Variants in C7orf33 observed in about 807,000 individuals in gnomAD.
C7orf33 encodes the protein uncharacterized protein C7orf33.
Under a neutral mutation model 13.4 loss-of-function variants are expected in C7orf33, and 15 were observed. That is an observed-to-expected ratio of 1.12 (90% CI 0.75 to 1.72). The LOEUF is 1.72. C7orf33 is among the 40% of genes most tolerant of loss of function. The pLI is 0.00. For synonymous variants in C7orf33, 73 were observed against 83.2 expected (o/e 0.88, Z 0.67); for missense variants, 187 against 220.3 (o/e 0.85, Z 0.96).
At chr7:148,603,210 C>G (rs1796436138) in intron 1 of C7orf33, among the ~76,000 whole-genome samples, 1 of 152,130 alleles carries the variant, frequency 6.6e-6, no homozygotes, top group South Asian at 2.1e-4. Flanking sequence ...AAACATCACA[C>G]CCAGAATGAA....
intron 1 of C7orf33, among the ~76,000 whole-genome samples, chr7:148,593,020 T>C (rs1370120540): frequency 6.6e-6 from 1 of 152,042 alleles, no homozygotes; most frequent in African/African-American, 2.4e-5. Flanking sequence ...TTTGTATTTT[T>C]AGTAGATACA....
intron 1 of C7orf33, among the ~76,000 whole-genome samples, chr7:148,613,748 A>T (rs1796572363): frequency 6.6e-6 from 1 of 152,250 alleles, no homozygotes; most frequent in Non-Finnish European, 1.5e-5. Context: ...TGACGGTTGC[A>T]CATTTCCTTG....
intron 1 of C7orf33, among the ~76,000 whole-genome samples, chr7:148,600,420 G>A (rs1036804602): frequency 6.6e-6 from 1 of 152,198 alleles, no homozygotes; most frequent in Non-Finnish European, 1.5e-5. Flanking sequence ...GCAGTGAGCT[G>A]AGATCATGCT....
At chr7:148,599,468 G>T (rs1796388820) in intron 1 of C7orf33, among the ~76,000 whole-genome samples, 1 of 140,808 alleles carries the variant, frequency 7.1e-6, no homozygotes, top group Admixed American at 7.1e-5. Context: ...ACAATTCTCA[G>T]ATTTTTTTTT....
intron 2 of C7orf33, 143 bp downstream of exon 2, chr7:148,614,439 A>G: frequency 9.9e-7 from 1 of 1,006,104 alleles, no homozygotes; most frequent in Non-Finnish European, 1.4e-6. Context: ...CCAGCATGAA[A>G]CTGATCTGAT....
chr7:148,613,564 C>CA (rs1346713951), intron 1 of C7orf33, among the ~76,000 whole-genome samples: 1 of 152,164 alleles, frequency 6.6e-6, no homozygotes, highest in East Asian at 1.9e-4. Flanking sequence ...AATTCAGTTA[C>CA]AAAATACTAC....
At chr7:148,609,196 C>A (rs1723764376) in intron 1 of C7orf33, among the ~76,000 whole-genome samples, 1 of 151,948 alleles carries the variant, frequency 6.6e-6, no homozygotes, top group Non-Finnish European at 1.5e-5. Context: ...AACTCCCATC[C>A]CCCTGAGTAC....
intron 1 of C7orf33, among the ~76,000 whole-genome samples, chr7:148,607,453 C>T (rs1323325501): frequency 6.6e-6 from 1 of 152,154 alleles, no homozygotes; most frequent in East Asian, 1.9e-4. Context: ...ATGTTCTGGA[C>T]TCCCACACAT....
chr7:148,605,545 G>A (rs1304901195), intron 1 of C7orf33, among the ~76,000 whole-genome samples: 2 of 152,106 alleles, frequency 1.3e-5, no homozygotes, highest in East Asian at 1.9e-4. Context: ...TCTTCACCCC[G>A]GCAGCAGCAC....
At chr7:148,598,747 TATATATATATATATATAGAG>T (rs1411009459) in intron 1 of C7orf33, among the ~76,000 whole-genome samples, 18 of 71,460 alleles carry the variant, frequency 2.5e-4, no homozygotes, top group African/African-American at 7.3e-4. Context: ...TATATATATA[TATATATATATATATATAGAG>T]AGAGAGAGAG....
chr7:148,594,826 T>A (rs1339897610), intron 1 of C7orf33, among the ~76,000 whole-genome samples: 1 of 152,134 alleles, frequency 6.6e-6, no homozygotes, highest in Admixed American at 6.6e-5. Flanking sequence ...GGATCATTTG[T>A]CTTCTATTCA....
In C7orf33 at chr7:148,608,663, T is replaced by C. The variant is rs537542469; in HGVS notation, c.205-5379T>C. ...AACCCCGTCTCTACTAAAAATGCAA[T>C]AATAAGCCAGGCGTGGTGGCGCATG... On this transcript the variant is annotated intron_variant, in intron 1 of 2. Coordinates refer to ENST00000307003, the MANE Select transcript of C7orf33 (RefSeq NM_145304.4). Among the ~76,000 whole-genome samples the C allele has an allele frequency of 4.0e-5, 6 of 149,588 alleles. No individual in the cohort carries two copies. The South Asian group carries it at 1.3e-3, about 32-fold the overall frequency.
At chr7:148,591,527 G>C (rs566034831) in intron 1 of C7orf33, among the ~76,000 whole-genome samples, 1 of 152,290 alleles carries the variant, frequency 6.6e-6, no homozygotes, top group South Asian at 2.1e-4. Context: ...CTTTGCACCT[G>C]TTCCCTTCTC....
At chr7:148,601,697 A>G (rs1796416671) in intron 1 of C7orf33, among the ~76,000 whole-genome samples, 1 of 152,078 alleles carries the variant, frequency 6.6e-6, no homozygotes, top group African/African-American at 2.4e-5. Flanking sequence ...ATTTTATTGC[A>G]ATATGGTTAG....
chr7:148,611,254 A>G (rs1037991973), intron 1 of C7orf33, among the ~76,000 whole-genome samples: 2 of 152,170 alleles, frequency 1.3e-5, no homozygotes, highest in Non-Finnish European at 2.9e-5. Flanking sequence ...TCTAAGTGGG[A>G]ACAGGCACTC....
At chr7:148,596,674 A>C (rs1263068860) in intron 1 of C7orf33, among the ~76,000 whole-genome samples, 1 of 152,048 alleles carries the variant, frequency 6.6e-6, no homozygotes, top group Non-Finnish European at 1.5e-5. Context: ...ATTATCTCCC[A>C]CCAGGTTCCT....
At chr7:148,612,050 A>G (rs993906926) in intron 1 of C7orf33, among the ~76,000 whole-genome samples, 13 of 152,250 alleles carry the variant, frequency 8.5e-5, no homozygotes, top group Admixed American at 2.0e-4. Flanking sequence ...TGGGGGCTTC[A>G]TTATAATGCC....
At chr7:148,595,305 A>T (rs1340520296) in intron 1 of C7orf33, among the ~76,000 whole-genome samples, 3 of 140,586 alleles carry the variant, frequency 2.1e-5, no homozygotes, top group Non-Finnish European at 3.0e-5. Flanking sequence ...ATATAGATAT[A>T]TAATATATAA....
At chr7:148,595,028 A>C (rs1453210544) in intron 1 of C7orf33, among the ~76,000 whole-genome samples, 1 of 151,864 alleles carries the variant, frequency 6.6e-6, no homozygotes, top group Non-Finnish European at 1.5e-5. Context: ...TGACCACCTA[A>C]CAATGAGCAC....
Sources: gnomAD v4.1 joint callset for allele counts (sites outside exome capture counted in the v4.1 genomes callset) on GRCh38, gnomAD v4.1.1 for gene constraint, MANE v1.5 for transcripts, NCBI Gene and HGNC (gene_info 2026-07-23, HGNC 2026-07-21) for gene names.